The following TBC1D5 variants were observed in gnomAD, a reference collection of about 807,000 sequenced individuals.
The protein encoded by TBC1D5 is TBC1 domain family member 5.
In TBC1D5, 75 loss-of-function variants were observed where a neutral mutation model predicts 100.3. The ratio of observed to expected loss-of-function variants is 0.75; its 90% CI spans 0.62 to 0.91. The LOEUF (loss-of-function observed/expected upper bound fraction) is 0.91. TBC1D5 is among the 40% of genes least tolerant of loss of function. TBC1D5 has a pLI of 0.00. For synonymous variants in TBC1D5, 323 were observed against 325.6 expected (o/e 0.99, Z 0.09); for missense variants, 910 against 942.4 (o/e 0.97, Z 0.45).
chr3:17,491,810 T>G (rs1037438390), intron 3 of TBC1D5, among the ~76,000 whole-genome samples: 4 of 152,102 alleles, frequency 2.6e-5, no homozygotes, highest in Non-Finnish European at 5.9e-5. Context: ...GATGTAAGCT[T>G]CATAAAATGA....
Position 17,476,212 on chromosome 3 carries a change from A to G in TBC1D5, c.97+32262T>C, listed in dbSNP as rs577545636. 2.5e-3 allele frequency among the ~76,000 whole-genome samples: 380 copies of G among 151,926 alleles called. 2 individuals are homozygous for G. Among genetic ancestry groups the G allele is most frequent in the African/African-American group, 8.4e-3 (350 of 41,544 alleles). On this transcript the variant is annotated intron_variant, in intron 3 of 21. Transcript: ENST00000253692. ...TTTGCAATAATTTAATTCTATATATATATTTTTTCCTTTTTGATATTTGAA... is the reference window on the plus strand; with the variant it reads ...TTTGCAATAATTTAATTCTATATATGTATTTTTTCCTTTTTGATATTTGAA...
chr3:17,307,720 G>A (rs763041189), intron 14 of TBC1D5, among the ~76,000 whole-genome samples: 34 of 152,136 alleles, frequency 2.2e-4, no homozygotes, highest in Non-Finnish European at 4.7e-4. Flanking sequence ...GTAATGAGGA[G>A]ATTAAAGCAG....
intron 2 of TBC1D5, among the ~76,000 whole-genome samples, chr3:17,593,396 C>T (rs963823279): frequency 7.9e-5 from 12 of 152,280 alleles, no homozygotes; most frequent in South Asian, 2.1e-4. Flanking sequence ...GACCTGGCTA[C>T]GGCCACTGCT....
At chr3:17,446,156 G>A (rs1227450197) in intron 3 of TBC1D5, among the ~76,000 whole-genome samples, 1 of 120,410 alleles carries the variant, frequency 8.3e-6, no homozygotes, top group African/African-American at 3.8e-5. Context: ...CTTTCTTTAG[G>A]TTATTTCTCC....
intron 3 of TBC1D5, among the ~76,000 whole-genome samples, chr3:17,492,482 T>G (rs985467714): frequency 2.6e-5 from 4 of 152,098 alleles, no homozygotes; most frequent in Non-Finnish European, 4.4e-5. Flanking sequence ...TCACCCAGGC[T>G]GGAGTGGAGT....
At chr3:17,409,139 T>A (rs561573711) in intron 4 of TBC1D5, among the ~76,000 whole-genome samples, 1 of 152,302 alleles carries the variant, frequency 6.6e-6, no homozygotes, top group South Asian at 2.1e-4. Context: ...AACTGAAGGT[T>A]TGTGGCAACC....
intron 13 of TBC1D5, among the ~76,000 whole-genome samples, chr3:17,322,334 A>G (rs1240753863): frequency 6.6e-6 from 1 of 152,202 alleles, no homozygotes; most frequent in Admixed American, 6.5e-5. Context: ...CTTGTAATAG[A>G]ATAGGGTTGA....
chr3:17,590,604 G>A (rs116223019), intron 2 of TBC1D5, among the ~76,000 whole-genome samples: 1,647 of 152,288 alleles, frequency 0.011, 11 homozygotes, highest in Middle Eastern at 0.031. Context: ...TCTTTCAAGA[G>A]CCCTATAATT....
chr3:17,441,390 T>C (rs1339615946), intron 3 of TBC1D5, among the ~76,000 whole-genome samples: 3 of 151,630 alleles, frequency 2.0e-5, no homozygotes, highest in African/African-American at 7.3e-5. Context: ...CTGTGGGAGG[T>C]TGCTCTTTGA....
intron 2 of TBC1D5, among the ~76,000 whole-genome samples, chr3:17,591,202 C>T (rs1380487247): frequency 8.3e-6 from 1 of 119,806 alleles, no homozygotes; most frequent in Admixed American, 1.1e-4. Flanking sequence ...CGCCACTGTA[C>T]TCCAGACTGG....
chr3:17,332,236 G>T (rs2086978733), intron 13 of TBC1D5, among the ~76,000 whole-genome samples: 1 of 152,152 alleles, frequency 6.6e-6, no homozygotes, highest in African/African-American at 2.4e-5. Context: ...AATGTGATTT[G>T]TTAATTTACA....
chr3:17,714,201 C>A (rs1331988792), intron 1 of TBC1D5, among the ~76,000 whole-genome samples: 2 of 152,114 alleles, frequency 1.3e-5, no homozygotes, highest in Non-Finnish European at 2.9e-5. Context: ...CTCTATTTTA[C>A]CTAAGAACTC....
chr3:17,608,230 C>T (rs1453218845), intron 2 of TBC1D5, among the ~76,000 whole-genome samples: 1 of 152,058 alleles, frequency 6.6e-6, no homozygotes, highest in Non-Finnish European at 1.5e-5. Flanking sequence ...GCACTCCAGC[C>T]CAGACAACAG....
intron 2 of TBC1D5, among the ~76,000 whole-genome samples, chr3:17,607,421 A>G (rs955950872): frequency 2.6e-5 from 4 of 152,148 alleles, no homozygotes; most frequent in African/African-American, 9.7e-5. Context: ...CAAATTATCA[A>G]TCTTTCTGTC....
chr3:17,622,206 G>T (rs1045665207), intron 2 of TBC1D5, among the ~76,000 whole-genome samples: 1 of 152,116 alleles, frequency 6.6e-6, no homozygotes. Flanking sequence ...TACACAATTC[G>T]TAACAGGGTT....
At chr3:17,593,041 G>T (rs1288411181) in intron 2 of TBC1D5, among the ~76,000 whole-genome samples, 2 of 152,070 alleles carry the variant, frequency 1.3e-5, no homozygotes, top group Admixed American at 6.6e-5. Context: ...CACATGATCG[G>T]ACTCAAGCAG....
At chr3:17,261,559 G>A (rs1422478326) in intron 15 of TBC1D5, among the ~76,000 whole-genome samples, 1 of 152,038 alleles carries the variant, frequency 6.6e-6, no homozygotes, top group East Asian at 1.9e-4. Context: ...TTGAACCCTT[G>A]ACATCCCAGG....
At chr3:17,727,285 A>C (rs1417255131) in intron 1 of TBC1D5, among the ~76,000 whole-genome samples, 1 of 152,126 alleles carries the variant, frequency 6.6e-6, no homozygotes, top group Non-Finnish European at 1.5e-5. Context: ...AGAGGCTGAG[A>C]CAGGAGAATC....
At chr3:17,530,264 G>T (rs971529477) in intron 2 of TBC1D5, among the ~76,000 whole-genome samples, 3 of 149,332 alleles carry the variant, frequency 2.0e-5, no homozygotes, top group African/African-American at 7.4e-5. Context: ...AAAAAAAAAG[G>T]GAAAAAACTG....
Sources: gnomAD v4.1 joint callset for allele counts (sites outside exome capture counted in the v4.1 genomes callset) on GRCh38, gnomAD v4.1.1 for gene constraint, MANE v1.5 for transcripts, NCBI Gene and HGNC (gene_info 2026-07-23, HGNC 2026-07-21) for gene names.